The following LBP variants were observed in gnomAD, a reference collection of about 807,000 sequenced individuals.
LBP encodes lipopolysaccharide binding protein.
In LBP, 53 loss-of-function variants were observed where a neutral mutation model predicts 56.6. The ratio of observed to expected loss-of-function variants is 0.94; its 90% CI spans 0.75 to 1.18. The LOEUF is 1.18. Ranked by LOEUF, LBP falls within the 50% of genes most tolerant of loss-of-function variation. The pLI is 0.00. For synonymous variants in LBP, 227 were observed against 247.5 expected (o/e 0.92, Z 0.78); for missense variants, 601 against 598.3 (o/e 1.00, Z -0.05).
intron 3 of LBP, among the ~76,000 whole-genome samples, chr20:38,352,407 CT>C (rs1254420451): frequency 6.6e-6 from 1 of 152,176 alleles, no homozygotes; most frequent in Non-Finnish European, 1.5e-5. Flanking sequence ...GAGATCTACT[CT>C]AAGTATGCAA....
In LBP at chr20:38,349,629, C is replaced by T. The variant is rs777668917; in HGVS notation, c.206C>T (p.Pro69Leu). The T allele has an allele frequency of 3.5e-5, 57 of 1,610,090 alleles. No individual in the cohort carries two copies. Among genetic ancestry groups the T allele is most frequent in the Non-Finnish European group, 4.8e-5 (57 of 1,178,516 alleles). ...LPDFTGDLRIPHVGRGRYEFH... is the reference protein window; with the variant it reads ...LPDFTGDLRILHVGRGRYEFH... Reference sequence around the variant, plus strand: ...GACTTCACCGGGGACTTGAGGATCCCCCACGTCGGCCGTGGGCGCTATGAG... The same window carrying T: ...GACTTCACCGGGGACTTGAGGATCCTCCACGTCGGCCGTGGGCGCTATGAG... Residue 69 changes from proline to leucine, a missense_variant, in exon 2 of 15, where the codon CCC (proline) becomes CTC (leucine). By Grantham distance (98) the Pro-to-Leu change is moderately conservative. Transcript: ENST00000217407.
intron 10 of LBP, among the ~76,000 whole-genome samples, chr20:38,370,370 A>C (rs978988053): frequency 2.0e-5 from 3 of 152,158 alleles, no homozygotes; most frequent in African/African-American, 7.2e-5. Flanking sequence ...CAGAGACTCC[A>C]TCTCTAAAAC....
intron 14 of LBP, among the ~76,000 whole-genome samples, chr20:38,375,422 A>T (rs2083952950): frequency 6.6e-6 from 1 of 151,908 alleles, no homozygotes; most frequent in Non-Finnish European, 1.5e-5. Context: ...CTCTACTAAA[A>T]ATACAAAAAT....
chr20:38,361,948 C>G (rs2076861595), intron 6 of LBP, among the ~76,000 whole-genome samples: 1 of 151,578 alleles, frequency 6.6e-6, no homozygotes, highest in Non-Finnish European at 1.5e-5. Context: ...TGGAATCAGA[C>G]AATATTTTGA....
chr20:38,369,110 C>G lies in LBP; in HGVS notation c.1097C>G (p.Ala366Gly), dbSNP rs376053475. The change falls in exon 10 of 15, where the codon GCC (alanine) becomes GGC (glycine). Residue 366 changes from alanine (A) to glycine (G), a missense_variant. Ala to Gly is a moderately conservative substitution (Grantham distance 60). Transcript: ENST00000217407. ...GTGGACCCCTATATGGAGATAGATG[C>G]CTTTGTGCTCCTGCCCAGCTCCAGC... is the stretch of plus-strand genomic sequence containing the variant. ...LSVDPYMEIDAFVLLPSSSKE... is the reference protein window; with the variant it reads ...LSVDPYMEIDGFVLLPSSSKE... The G allele has an allele frequency of 3.7e-6, 6 of 1,614,160 alleles. No homozygotes were observed. The East Asian group carries it at 1.3e-4, about 36-fold the overall frequency.
intron 10 of LBP, 69 bp from the exon 11 acceptor site, chr20:38,370,669 T>C: frequency 7.2e-7 from 1 of 1,397,826 alleles, no homozygotes; most frequent in Admixed American, 1.7e-5. Flanking sequence ...AGTTGGTCCC[T>C]CGTCATCATC....
intron 9 of LBP, 48 bp downstream of exon 9, chr20:38,366,876 C>T (rs770297924): frequency 3.1e-5 from 48 of 1,530,794 alleles, no homozygotes. Flanking sequence ...GCCTACTAGA[C>T]TCCAGAGGTT....
intron 12 of LBP, among the ~76,000 whole-genome samples, chr20:38,371,955 G>A (rs1187480853): frequency 6.6e-6 from 1 of 152,214 alleles, no homozygotes; most frequent in Admixed American, 6.5e-5. Context: ...TTTGCAGTCA[G>A]CTACATCCAA....
intron 4 of LBP, among the ~76,000 whole-genome samples, chr20:38,355,121 A>G (rs1312449871): frequency 2.0e-5 from 3 of 152,214 alleles, no homozygotes; most frequent in Non-Finnish European, 4.4e-5. Context: ...TGGATTCTCA[A>G]GCCGCTTCCC....
At chr20:38,350,033 A>C (rs1449073834) in intron 2 of LBP, among the ~76,000 whole-genome samples, 1 of 152,142 alleles carries the variant, frequency 6.6e-6, no homozygotes, top group Non-Finnish European at 1.5e-5. Flanking sequence ...CAACGGTTAG[A>C]GCTGAAGTTT....
At position 38,376,570 on chromosome 20, in the gene LBP, T is replaced by C. The variant is rs200704213; in HGVS notation, c.1402-55T>C. The C allele has an allele frequency of 6.3e-4, 962 of 1,527,440 alleles. 8 individuals are homozygous for C. In the Middle Eastern group the frequency reaches 0.022, roughly 35 times the overall value. The allele number at this position is 1,527,440 out of a possible 1,614,324, so 94.6% of individuals were successfully genotyped here. A position where few individuals can be genotyped will look rare whatever the true frequency, so the allele number is the denominator to read the frequency against. On this transcript the variant is annotated intron_variant, in intron 14 of 14. Coordinates refer to ENST00000217407, the MANE Select transcript of LBP (RefSeq NM_004139.5). Reference sequence around the variant, plus strand: ...GGGCTCCCTTTCAATCGCAGATGCATCTTTTTGGAGTAGAGGATGCTCTTT... The same window carrying C: ...GGGCTCCCTTTCAATCGCAGATGCACCTTTTTGGAGTAGAGGATGCTCTTT...
chr20:38,356,837 G>A (rs767465319), intron 5 of LBP, among the ~76,000 whole-genome samples: 6 of 151,962 alleles, frequency 3.9e-5, no homozygotes, highest in South Asian at 2.1e-4. Flanking sequence ...AGCAGTTCAC[G>A]TGCACAGTCC....
At chr20:38,348,386 C>T (rs1447691941) in intron 1 of LBP, among the ~76,000 whole-genome samples, 1 of 150,986 alleles carries the variant, frequency 6.6e-6, no homozygotes, top group Non-Finnish European at 1.5e-5. Context: ...AATCTCAGCT[C>T]ACTGCAACCT....
chr20:38,355,225 G>A (rs1415311216), intron 4 of LBP, 121 bp from the exon 5 acceptor site: 6 of 828,590 alleles, frequency 7.2e-6, no homozygotes, highest in African/African-American at 5.0e-5. Flanking sequence ...ACACAGCAGG[G>A]CGCCGGGAAG....
chr20:38,373,301 G>T (rs2076907118), intron 13 of LBP, among the ~76,000 whole-genome samples, 166 bp downstream of exon 13: 1 of 152,156 alleles, frequency 6.6e-6, no homozygotes, highest in Admixed American at 6.5e-5. Flanking sequence ...GTTGAAGTTG[G>T]CCTCATCTCC....
chr20:38,354,813 T>C (rs758656663), intron 4 of LBP, among the ~76,000 whole-genome samples: 1 of 152,160 alleles, frequency 6.6e-6, no homozygotes, highest in African/African-American at 2.4e-5. Context: ...CCGGGTGTGG[T>C]GGCTCACGCC....
intron 8 of LBP, among the ~76,000 whole-genome samples, chr20:38,365,588 A>T (rs987417146): frequency 1.4e-4 from 21 of 150,886 alleles, no homozygotes; most frequent in Non-Finnish European, 3.0e-5. Context: ...TTCCAGCTAC[A>T]TGGGAGGCTG....
At chr20:38,363,045 C>T (rs1210441459) in intron 6 of LBP, among the ~76,000 whole-genome samples, 1 of 152,156 alleles carries the variant, frequency 6.6e-6, no homozygotes, top group Non-Finnish European at 1.5e-5. Flanking sequence ...TAGTATATCA[C>T]CATGTAGATG....
chr20:38,350,918 G>A lies in LBP; in HGVS notation c.347G>A (p.Trp116Ter). ...SDSSIRVQGR[W>*]KVRKSFFKLQ... ...TCCTCCATCCGGGTCCAGGGCAGGT[G>A]GAAGGTGCGCAAGTCATTCTTGTAA... The change falls in exon 3 of 15, where the codon TGG (tryptophan) becomes TAG (stop). Residue 116 changes from tryptophan to a stop codon, truncating the protein, a stop_gained. Coordinates refer to ENST00000217407, the MANE Select transcript of LBP (RefSeq NM_004139.5). LOFTEE classifies it high-confidence loss of function. 1.9e-6 allele frequency: 3 copies of A among 1,613,976 alleles called. No individual in the cohort carries two copies. The highest frequency in any genetic ancestry group is 2.5e-6 in the Non-Finnish European group (3 of 1,179,924).
Sources: allele counts gnomAD v4.1 joint callset (sites outside exome capture counted in the v4.1 genomes callset), GRCh38; gene constraint gnomAD v4.1.1; transcripts MANE v1.5; gene names NCBI Gene and HGNC (gene_info 2026-07-23, HGNC 2026-07-21).